The following MYOCD variants were observed in gnomAD, a reference collection of about 807,000 sequenced individuals.
The protein encoded by MYOCD is myocardin.
A neutral mutation model predicts 96.1 loss-of-function variants in MYOCD; 32 were observed. That is an observed-to-expected ratio of 0.33 (90% confidence interval 0.25 to 0.45). MYOCD has a LOEUF of 0.45. Among genes scored for constraint, MYOCD ranks in the 20% least tolerant of loss-of-function variants. MYOCD has a pLI of 1.00. For synonymous variants in MYOCD, 469 were observed against 469.0 expected (o/e 1.00, Z 0.00); for missense variants, 1,133 against 1,200.6 (o/e 0.94, Z 0.83).
intron 1 of MYOCD, among the ~76,000 whole-genome samples, chr17:12,671,539 C>T (rs1018990423): frequency 3.9e-5 from 6 of 152,192 alleles, no homozygotes; most frequent in Non-Finnish European, 8.8e-5. Context: ...TCATCTATGG[C>T]TCAATGACGA....
intron 5 of MYOCD, among the ~76,000 whole-genome samples, chr17:12,728,932 A>G (rs1361746181): frequency 6.6e-6 from 1 of 152,210 alleles, no homozygotes; most frequent in Non-Finnish European, 1.5e-5. Context: ...TATCATTTAC[A>G]TTTATAAAAG....
Position 12,666,214 on chromosome 17 carries a change from C to A in MYOCD, c.26C>A (p.Ser9Tyr). 6.2e-7 allele frequency: 1 copy of A among 1,613,782 alleles called. No homozygotes were observed. The highest frequency in any genetic ancestry group is 1.1e-5 in the South Asian group (1 of 91,048). Reference protein sequence around the residue: MTLLGSEHSLLIRSKFRSV... With the variant: MTLLGSEHYLLIRSKFRSV... ...ATGACACTCCTGGGGTCTGAGCATT[C>A]CTTGCTGATTAGGAGCAAGTTCAGA... Residue 9 changes from serine (S) to tyrosine (Y), a missense_variant, in exon 1 of 14, where the codon TCC (serine) becomes TAC (tyrosine). Coordinates refer to ENST00000425538, the MANE Select transcript of MYOCD (RefSeq NM_001146312.3).
rs376047023 is a variant in MYOCD, at chr17:12,707,620, A to G, written c.121+2427A>G. ...TCCCAGCTACTCGGGAGGCTGAGGC[A>G]GGAGAATGGCGTGAACCCAGGAGGC... On this transcript the variant is annotated intron_variant, in intron 2 of 13. Transcript: ENST00000425538. 2.3e-3 allele frequency among the ~76,000 whole-genome samples: 351 copies of G among 152,318 alleles called. 1 individual carries two copies. The highest frequency in any genetic ancestry group is 0.014 in the Middle Eastern group (4 of 294).
chr17:12,753,788 A>C (rs565363673), intron 10 of MYOCD, among the ~76,000 whole-genome samples: 4 of 152,264 alleles, frequency 2.6e-5, no homozygotes, highest in Non-Finnish European at 4.4e-5. Context: ...TCGGTGTCCA[A>C]CCTTATCATA....
intron 1 of MYOCD, among the ~76,000 whole-genome samples, chr17:12,673,387 C>T (rs72811264): frequency 0.085 from 12,947 of 152,128 alleles, 589 homozygotes; most frequent in Middle Eastern, 0.17. Context: ...ATTTTTACAA[C>T]GTGATAATCA....
At chr17:12,698,312 C>T (rs969144601) in intron 1 of MYOCD, among the ~76,000 whole-genome samples, 8 of 152,250 alleles carry the variant, frequency 5.3e-5, no homozygotes, top group African/African-American at 1.7e-4. Flanking sequence ...TGATAAAAGT[C>T]ATAAGCCAGT....
chr17:12,670,158 CT>C (rs1909616598), intron 1 of MYOCD, among the ~76,000 whole-genome samples: 2 of 152,082 alleles, frequency 1.3e-5, no homozygotes, highest in Non-Finnish European at 2.9e-5. Context: ...GAGGTTGGAG[CT>C]GTAGTTAAAA....
chr17:12,683,801 GCAGAAC>G (rs2029944671), intron 1 of MYOCD, among the ~76,000 whole-genome samples: 1 of 152,116 alleles, frequency 6.6e-6, no homozygotes, highest in African/African-American at 2.4e-5. Context: ...CTTTCCATAG[GCAGAAC>G]TTGTGACAGT....
rs980327679 is a variant in MYOCD at position 12,764,678 on chromosome 17, T to G, written c.*1034T>G. 3 of 152,250 alleles carry G rather than the reference T, an allele frequency of 2.0e-5. No individual in the cohort carries two copies. The highest frequency in any genetic ancestry group is 7.2e-5 in the African/African-American group (3 of 41,468). The allele number at this position is 152,250 out of a possible 1,614,324, so 9.4% of individuals were successfully genotyped here. A position where few individuals can be genotyped will look rare whatever the true frequency, so the allele number is the denominator to read the frequency against. ...TTGTTTTGTTATTATCAGTTTATCT[T>G]TCTCCCACTCCACTTTTCCTTCAAG... On this transcript the variant is annotated 3_prime_UTR_variant, in exon 14 of 14. Transcript: ENST00000425538.
intron 7 of MYOCD, among the ~76,000 whole-genome samples, chr17:12,740,194 C>A (rs997138263): frequency 2.0e-5 from 3 of 152,200 alleles, no homozygotes; most frequent in African/African-American, 7.2e-5. Flanking sequence ...CTTGGCCTTC[C>A]AAAGTGCTGG....
At chr17:12,717,541 G>A (rs1270038192) in intron 4 of MYOCD, 120 bp downstream of exon 4, 1 of 794,640 alleles carries the variant, frequency 1.3e-6, no homozygotes, top group Non-Finnish European at 2.0e-6. Context: ...CCGTTACAAA[G>A]TGGTAGTTTC....
intron 5 of MYOCD, among the ~76,000 whole-genome samples, chr17:12,734,185 G>T (rs903253049): frequency 6.6e-6 from 1 of 152,120 alleles, no homozygotes; most frequent in South Asian, 2.1e-4. Flanking sequence ...GTGGAGAGAG[G>T]AGGAGTCTTT....
rs1324922079 is a variant in MYOCD at position 12,665,968 on chromosome 17, G to T, written c.-221G>T. On this transcript the variant is annotated 5_prime_UTR_variant, in exon 1 of 14. The change creates a new upstream start codon in the 5' untranslated region. Coordinates refer to ENST00000425538, the MANE Select transcript of MYOCD (RefSeq NM_001146312.3). This position sits in a 1 kb window ranked among gnomAD's most constrained non-coding sequence, Gnocchi z 4.2. ...CCTGGCCAACCTCCGAGGAGGAGGA[G>T]GGTCCCGCCGGCTAAGAGTTAATTA... is the stretch of plus-strand genomic sequence containing the variant. The T allele has an allele frequency of 1.8e-6, 1 of 544,582 alleles. No homozygotes were observed. The highest frequency in any genetic ancestry group is 1.9e-5 in the African/African-American group (1 of 52,358). The allele number at this position is 544,582 out of a possible 1,614,324, so 33.7% of individuals were successfully genotyped here. A position where few individuals can be genotyped will look rare whatever the true frequency, so the allele number is the denominator to read the frequency against.
At chr17:12,741,072 C>T (rs543393487) in intron 7 of MYOCD, among the ~76,000 whole-genome samples, 5 of 152,214 alleles carry the variant, frequency 3.3e-5, no homozygotes, top group Admixed American at 1.3e-4. Flanking sequence ...TTTGGGAACA[C>T]GTTTTCTCAG....
Position 12,722,861 on chromosome 17 carries a change from AG to A in MYOCD, c.270del (p.Arg90SerfsTer8). 6.2e-7 allele frequency: 1 copy of A among 1,613,162 alleles called. No homozygotes were observed. Among genetic ancestry groups the A allele is most frequent in the Non-Finnish European group, 8.5e-7 (1 of 1,179,550 alleles). ...CAACCCTTTAGCTTCCACTGCAGAG[AG>A]GTCCATTCCAACTGCTCAGATGAAG... ...MHILQASTAE[R>X]SIPTAQMKLK... On this transcript the variant is annotated frameshift_variant, in exon 5 of 14. Coordinates refer to ENST00000425538, the MANE Select transcript of MYOCD (RefSeq NM_001146312.3). LOFTEE classifies it high-confidence loss of function.
chr17:12,732,627 T>C (rs1321748379), intron 5 of MYOCD, among the ~76,000 whole-genome samples: 2 of 152,118 alleles, frequency 1.3e-5, no homozygotes, highest in African/African-American at 4.8e-5. Flanking sequence ...TTGTCTCTGC[T>C]CCTCTTAAAA....
rs553893165 is a variant in MYOCD at position 12,752,973 on chromosome 17, C to T, written c.1685C>T (p.Pro562Leu). ...AGGAATAACTGTTCAGAGAAGAAGC[C>T]GCTGCCTTTCCTGGCTGCCTCCATC... ...QKRNNCSEKK[P>L]LPFLAASIKQ... is the part of the protein sequence containing the mutation. The change falls in exon 10 of 14, where the codon CCG (proline) becomes CTG (leucine). Residue 562 changes from proline to leucine, a missense_variant. Transcript: ENST00000425538. 6.2e-6 allele frequency: 10 copies of T among 1,614,136 alleles called. No homozygotes were observed. In the East Asian group the frequency reaches 1.1e-4, roughly 18 times the overall value.
In MYOCD at chr17:12,766,794, T is replaced by TA; in HGVS notation, c.*3150_*3151insA. 6.6e-6 allele frequency: 1 copy of TA among 152,304 alleles called. No individual in the cohort carries two copies. The highest frequency in any genetic ancestry group is 3.4e-3 in the Middle Eastern group (1 of 292). The allele number at this position is 152,304 out of a possible 1,614,324, so 9.4% of individuals were successfully genotyped here. On this transcript the variant is annotated 3_prime_UTR_variant, in exon 14 of 14. Transcript: ENST00000425538. ...CCATGGTGATGAAGACTTGAAGACA[T>TA]TTGCAGCTATCTGCTGCAGTCTGGT...
intron 4 of MYOCD, among the ~76,000 whole-genome samples, chr17:12,720,893 G>A (rs1344089670): frequency 6.6e-6 from 1 of 151,796 alleles, no homozygotes; most frequent in East Asian, 1.9e-4. Context: ...GTGGTGGCGG[G>A]TGCCTGTAGT....
Sources: allele counts gnomAD v4.1 joint callset (sites outside exome capture counted in the v4.1 genomes callset), GRCh38; gene constraint gnomAD v4.1.1; non-coding constraint Gnocchi (gnomAD v3.1); transcripts MANE v1.5; gene names NCBI Gene and HGNC (gene_info 2026-07-23, HGNC 2026-07-21).